Variants in GALNTL6 observed in about 807,000 individuals in gnomAD.
GALNTL6 encodes polypeptide N-acetylgalactosaminyltransferase like 6.
In GALNTL6, 46 loss-of-function variants were observed where a neutral mutation model predicts 73.7. The ratio of observed to expected loss-of-function variants is 0.62; its 90% CI spans 0.49 to 0.80. GALNTL6 has a LOEUF of 0.80. Among genes scored for constraint, GALNTL6 ranks in the 30% least tolerant of loss-of-function variants. GALNTL6 has a pLI of 0.00. For synonymous variants in GALNTL6, 259 were observed against 263.7 expected, an observed-to-expected ratio of 0.98 and a Z score of 0.17; for missense variants, 604 against 755.0, an observed-to-expected ratio of 0.80 and a Z score of 2.34.
intron 5 of GALNTL6, among the ~76,000 whole-genome samples, chr4:172,371,623 C>T (rs1022618836): frequency 7.9e-5 from 12 of 151,998 alleles, no homozygotes; most frequent in African/African-American, 2.2e-4. Context: ...GACTTTCTGT[C>T]GCTCTGTCTC....
intron 5 of GALNTL6, among the ~76,000 whole-genome samples, chr4:172,362,344 A>G (rs1330267467): frequency 6.6e-6 from 1 of 151,588 alleles, no homozygotes; most frequent in Non-Finnish European, 1.5e-5. Flanking sequence ...TAAGTAATTT[A>G]TAAGTGTATT....
chr4:172,916,092 A>C lies in GALNTL6; in HGVS notation c.1042-15069A>C, dbSNP rs973681017. Among the ~76,000 whole-genome samples the C allele has an allele frequency of 2.0e-5, 3 of 152,374 alleles. No individual in the cohort carries two copies. The East Asian group carries it at 5.8e-4, about 29-fold the overall frequency. ...CCCTGGAATGAAAGGCTGGTTCAAC[A>C]TATGCAAATCAATAAGTGTAATCCA... On this transcript the variant is annotated intron_variant, in intron 8 of 12. Transcript: ENST00000506823.
At position 171,944,823 on chromosome 4, in the gene GALNTL6, AT is replaced by A. The variant is rs546255111; in HGVS notation, c.138+130106del. On this transcript the variant is annotated intron_variant, in intron 2 of 12. Coordinates refer to ENST00000506823, the MANE Select transcript of GALNTL6 (RefSeq NM_001034845.3). ...TTATACAAAGATACTTAAAAAAAAA[AT>A]CTCACCTGTACTTAATAATTTGTCT... Among the ~76,000 whole-genome samples, 708 of 152,020 alleles carry A rather than the reference AT, an allele frequency of 4.7e-3. 5 individuals carry two copies. The highest frequency in any genetic ancestry group is 0.017 in the African/African-American group (687 of 41,496).
chr4:172,238,130 T>C (rs1415118840), intron 3 of GALNTL6, among the ~76,000 whole-genome samples: 1 of 151,778 alleles, frequency 6.6e-6, no homozygotes, highest in Non-Finnish European at 1.5e-5. Context: ...TTAGTTTAGT[T>C]AGTGAAGAAC....
intron 5 of GALNTL6, among the ~76,000 whole-genome samples, chr4:172,545,315 A>C (rs777793537): frequency 1.3e-4 from 20 of 152,136 alleles, no homozygotes; most frequent in Non-Finnish European, 2.2e-4. Context: ...ACTCTGTAAG[A>C]GCTGTGAAGA....
rs1240934843 is a variant in GALNTL6 at position 172,116,091 on chromosome 4, A to G, written c.139-113565A>G. 2.6e-5 allele frequency among the ~76,000 whole-genome samples: 4 copies of G among 152,084 alleles called. 1 individual carries two copies. The South Asian group carries it at 8.3e-4, about 32-fold the overall frequency. ...TCTACCTAGAGAGAATATAAATGCT[A>G]AACATGTAGGTATTATATGTGATTT... On this transcript the variant is annotated intron_variant, in intron 2 of 12. Coordinates refer to ENST00000506823, the MANE Select transcript of GALNTL6 (RefSeq NM_001034845.3).
chr4:172,467,636 G>A (rs796787202), intron 5 of GALNTL6, among the ~76,000 whole-genome samples: 6 of 152,228 alleles, frequency 3.9e-5, no homozygotes, highest in African/African-American at 1.4e-4. Flanking sequence ...GCCAAAGCAT[G>A]TCATAAGACT....
intron 2 of GALNTL6, among the ~76,000 whole-genome samples, chr4:172,192,905 G>A (rs879748858): frequency 9.9e-5 from 15 of 152,178 alleles, no homozygotes; most frequent in Admixed American, 3.3e-4. Flanking sequence ...GGCAGATAGT[G>A]GCCAGCCTGC....
chr4:172,568,527 C>T (rs547783753), intron 5 of GALNTL6, among the ~76,000 whole-genome samples: 182 of 151,900 alleles, frequency 1.2e-3, no homozygotes, highest in African/African-American at 3.8e-3. Context: ...GAGGCCGAGG[C>T]GGGCGGATCA....
intron 2 of GALNTL6, among the ~76,000 whole-genome samples, chr4:172,103,403 CAT>C (rs1404982528): frequency 6.6e-6 from 1 of 152,136 alleles, no homozygotes; most frequent in Admixed American, 6.5e-5. Flanking sequence ...ATTCATAAAA[CAT>C]AGGTTTACTA....
At chr4:172,689,071 G>GTATGCTAGTGTTAGAAGTTATA (rs748089453) in intron 5 of GALNTL6, among the ~76,000 whole-genome samples, 18 of 152,216 alleles carry the variant, frequency 1.2e-4, no homozygotes. Context: ...ACATGTCCCA[G>GTATGCTAGTGTTAGAAGTTATA]TATGCTAGTG....
intron 5 of GALNTL6, among the ~76,000 whole-genome samples, chr4:172,638,274 G>T (rs1481653538): frequency 6.6e-6 from 1 of 152,134 alleles, no homozygotes. Flanking sequence ...CAAGAAGCTA[G>T]ATTGGCAGAG....
In GALNTL6 at chr4:171,864,470, G is replaced by C. The variant is rs373106827; in HGVS notation, c.138+49752G>C. 8.1e-4 allele frequency among the ~76,000 whole-genome samples: 124 copies of C among 152,234 alleles called. 2 individuals carry two copies. Among genetic ancestry groups the C allele is most frequent in the African/African-American group, 2.4e-3 (98 of 41,554 alleles). On this transcript the variant is annotated intron_variant, in intron 2 of 12. Transcript: ENST00000506823. ...GAAATTTTATTTCAGGGTACATACAGATTAAACAAGAAGGTATGTCTATAG... is the reference window on the plus strand; with the variant it reads ...GAAATTTTATTTCAGGGTACATACACATTAAACAAGAAGGTATGTCTATAG...
intron 2 of GALNTL6, among the ~76,000 whole-genome samples, chr4:172,038,616 G>T (rs959234665): frequency 6.6e-6 from 1 of 152,064 alleles, no homozygotes; most frequent in Middle Eastern, 3.2e-3. Flanking sequence ...TATGCATCAC[G>T]ATCCGTTACC....
chr4:172,263,524 A>T (rs1738325487), intron 3 of GALNTL6, among the ~76,000 whole-genome samples: 1 of 151,154 alleles, frequency 6.6e-6, no homozygotes, highest in Non-Finnish European at 1.5e-5. Flanking sequence ...CATATCCTGT[A>T]TTTTTTTAAA....
At chr4:171,860,138 C>T (rs908661761) in intron 2 of GALNTL6, among the ~76,000 whole-genome samples, 27 of 152,180 alleles carry the variant, frequency 1.8e-4, no homozygotes, top group African/African-American at 5.5e-4. Context: ...TTTGTCACCA[C>T]ATATTTAGCT....
intron 3 of GALNTL6, among the ~76,000 whole-genome samples, chr4:172,295,403 C>G (rs1739631949): frequency 7.6e-6 from 1 of 130,936 alleles, no homozygotes; most frequent in Non-Finnish European, 1.6e-5. Context: ...GCCTGGGCAA[C>G]AGAGTGAGAC....
intron 2 of GALNTL6, among the ~76,000 whole-genome samples, chr4:172,208,984 A>T (rs990636995): frequency 3.9e-5 from 6 of 152,292 alleles, no homozygotes; most frequent in Admixed American, 1.3e-4. Flanking sequence ...TACATGAGAA[A>T]GGTTAAACTA....
intron 5 of GALNTL6, among the ~76,000 whole-genome samples, chr4:172,456,178 C>CA (rs548649065): frequency 4.6e-5 from 7 of 152,066 alleles, no homozygotes; most frequent in African/African-American, 1.2e-4. Flanking sequence ...GACATTCACA[C>CA]AAAAAAACCA....
Sources: allele counts gnomAD v4.1 joint callset (sites outside exome capture counted in the v4.1 genomes callset), GRCh38; gene constraint gnomAD v4.1.1; transcripts MANE v1.5; gene names NCBI Gene and HGNC (gene_info 2026-07-23, HGNC 2026-07-21).